The following SYTL3 variants were observed in gnomAD, a reference collection of about 807,000 sequenced individuals.
The protein encoded by SYTL3 is synaptotagmin-like protein 3.
Under a neutral mutation model 82.1 loss-of-function variants are expected in SYTL3, and 88 were observed. The ratio of observed to expected loss-of-function variants is 1.07; its 90% CI spans 0.90 to 1.28. The LOEUF is 1.28. Among genes scored for constraint, SYTL3 ranks in the 50% most tolerant of loss-of-function variants. The pLI, the probability that SYTL3 is intolerant of heterozygous loss-of-function variation, is 0.00. For missense variants in SYTL3, 831 were observed against 757.6 expected, an observed-to-expected ratio of 1.10 and a Z score of -1.14; for synonymous variants, 311 against 289.4, an observed-to-expected ratio of 1.07 and a Z score of -0.76.
intron 16 of SYTL3, among the ~76,000 whole-genome samples, chr6:158,762,920 AAAAG>A (rs1395943993): frequency 6.6e-6 from 1 of 152,196 alleles, no homozygotes; most frequent in African/African-American, 2.4e-5. Context: ...CCGTCTCAAA[AAAAG>A]GAGAACTGAG....
At chr6:158,739,007 C>T (rs1786568529) in intron 11 of SYTL3, among the ~76,000 whole-genome samples, 1 of 152,306 alleles carries the variant, frequency 6.6e-6, no homozygotes, top group African/African-American at 2.4e-5. Context: ...CCCACCTTTC[C>T]CCTCCCACTC....
At chr6:158,706,700 CTT>C (rs1782140406) in intron 6 of SYTL3, among the ~76,000 whole-genome samples, 1 of 152,166 alleles carries the variant, frequency 6.6e-6, no homozygotes, top group Admixed American at 6.5e-5. Flanking sequence ...ATAAAAACCT[CTT>C]TTCTTGAAAC....
chr6:158,753,235 C>T (rs767660994), intron 13 of SYTL3, among the ~76,000 whole-genome samples: 45 of 151,778 alleles, frequency 3.0e-4, no homozygotes, highest in Non-Finnish European at 4.4e-4. Flanking sequence ...GTACCCACCA[C>T]GATGGCCAGC....
intron 5 of SYTL3, among the ~76,000 whole-genome samples, chr6:158,669,857 C>T (rs1777162571): frequency 6.6e-6 from 1 of 152,222 alleles, no homozygotes; most frequent in Non-Finnish European, 1.5e-5. Context: ...CCCAGTTACT[C>T]ATGGAATGCC....
chr6:158,701,848 C>T (rs966607073), intron 6 of SYTL3, among the ~76,000 whole-genome samples: 6 of 151,904 alleles, frequency 3.9e-5, no homozygotes, highest in Non-Finnish European at 5.9e-5. Flanking sequence ...TAGGGTAGAA[C>T]GCTGCCTCCC....
chr6:158,739,092 A>G (rs1562446549), intron 11 of SYTL3, among the ~76,000 whole-genome samples: 1 of 152,206 alleles, frequency 6.6e-6, no homozygotes, highest in Admixed American at 6.5e-5. Flanking sequence ...TTCATATTTC[A>G]GCTGTGTCTC....
At chr6:158,735,025 G>A (rs1785952026) in intron 11 of SYTL3, among the ~76,000 whole-genome samples, 1 of 152,152 alleles carries the variant, frequency 6.6e-6, no homozygotes, top group Non-Finnish European at 1.5e-5. Flanking sequence ...GTCCATACCG[G>A]GGAGTCCAGG....
chr6:158,708,767 G>A (rs1019020586), intron 8 of SYTL3, among the ~76,000 whole-genome samples: 1 of 152,154 alleles, frequency 6.6e-6, no homozygotes, highest in East Asian at 1.9e-4. Flanking sequence ...TCTCTTTTGA[G>A]TGTTTGCAGG....
intron 11 of SYTL3, among the ~76,000 whole-genome samples, chr6:158,727,184 A>T (rs1051335129): frequency 5.3e-5 from 8 of 150,138 alleles, no homozygotes; most frequent in Non-Finnish European, 1.2e-4. Flanking sequence ...TTATTTATTT[A>T]TTTTTTGAGA....
intron 5 of SYTL3, among the ~76,000 whole-genome samples, chr6:158,672,198 G>T (rs1236204903): frequency 6.6e-6 from 1 of 152,166 alleles, no homozygotes; most frequent in Non-Finnish European, 1.5e-5. Flanking sequence ...GGTTGAGGCA[G>T]GAGAATTGCT....
intron 10 of SYTL3, among the ~76,000 whole-genome samples, 193 bp from the exon 11 acceptor site, chr6:158,725,310 G>A (rs1784573214): frequency 1.3e-5 from 2 of 151,878 alleles, no homozygotes; most frequent in Admixed American, 6.5e-5. Flanking sequence ...GCATGCGCGT[G>A]TGTGGTGTGT....
intron 11 of SYTL3, among the ~76,000 whole-genome samples, chr6:158,730,414 T>C (rs910737547): frequency 2.0e-5 from 3 of 152,264 alleles, no homozygotes; most frequent in African/African-American, 7.2e-5. Context: ...TAAATGCTAA[T>C]TTTTCCTTAT....
chr6:158,743,950 A>T (rs571935324), intron 11 of SYTL3, among the ~76,000 whole-genome samples: 1 of 151,556 alleles, frequency 6.6e-6, no homozygotes, highest in African/African-American at 2.4e-5. Context: ...ATGGGGCCTC[A>T]CTCTGTCGCC....
chr6:158,741,860 G>C (rs965013150), intron 11 of SYTL3, among the ~76,000 whole-genome samples: 5 of 152,192 alleles, frequency 3.3e-5, no homozygotes, highest in Middle Eastern at 3.2e-3. Context: ...AGAATGGTCA[G>C]TGTTGAGTTA....
chr6:158,716,468 C>A (rs975554218), intron 9 of SYTL3, among the ~76,000 whole-genome samples: 2 of 152,140 alleles, frequency 1.3e-5, no homozygotes, highest in Non-Finnish European at 2.9e-5. Flanking sequence ...ACCATCTGAG[C>A]GTGTCCTTTA....
intron 14 of SYTL3, 118 bp from the exon 15 acceptor site, chr6:158,760,520 CCA>C: frequency 1.2e-6 from 1 of 804,894 alleles, no homozygotes; most frequent in Non-Finnish European, 2.1e-6. Context: ...CCTGCTCCAC[CCA>C]GGGCCTTGCA....
chr6:158,685,244 C>T (rs1454818896), intron 6 of SYTL3, among the ~76,000 whole-genome samples: 12 of 145,918 alleles, frequency 8.2e-5, no homozygotes, highest in East Asian at 4.0e-4. Flanking sequence ...GATGGAGTCT[C>T]GTTCTGTCAT....
In SYTL3 at chr6:158,764,676, G is replaced by GCT; in HGVS notation, c.*72_*73insCT. ...GCGTCTGCAGAGGGGCTACGAACCA[G>GCT]GTGCAGGGTCCCAGCTGGAGACCCC... is the stretch of plus-strand genomic sequence containing the variant. On this transcript the variant is annotated 3_prime_UTR_variant, in exon 18 of 18. Transcript: ENST00000611299. 8.9e-7 allele frequency: 1 copy of GCT among 1,118,186 alleles called. No individual in the cohort carries two copies. The highest frequency in any genetic ancestry group is 1.4e-6 in the Non-Finnish European group (1 of 733,684). 69.3% of individuals were successfully genotyped at this position (1,118,186 alleles called of 1,614,324 possible).
chr6:158,680,455 T>C (rs921067403), intron 5 of SYTL3, among the ~76,000 whole-genome samples: 6 of 151,622 alleles, frequency 4.0e-5, no homozygotes, highest in South Asian at 2.1e-4. Context: ...AATTCTGTTA[T>C]AGGCCAGATG....
Sources: gnomAD v4.1 joint callset for allele counts (sites outside exome capture counted in the v4.1 genomes callset) on GRCh38, gnomAD v4.1.1 for gene constraint, MANE v1.5 for transcripts, NCBI Gene and HGNC (gene_info 2026-07-23, HGNC 2026-07-21) for gene names.